Variants in SRGAP1 observed in about 807,000 individuals in gnomAD.
SRGAP1 encodes the protein SLIT-ROBO Rho GTPase-activating protein 1.
In SRGAP1, 43 loss-of-function variants were observed where a neutral mutation model predicts 121.9. The ratio of observed to expected loss-of-function variants is 0.35; its 90% CI spans 0.28 to 0.46. SRGAP1 has a LOEUF of 0.46. SRGAP1 is among the 20% of genes least tolerant of loss of function. The pLI is 1.00. For missense variants in SRGAP1, 1,102 were observed against 1,350.9 expected (o/e 0.82, Z 2.89); for synonymous variants, 447 against 485.4 (o/e 0.92, Z 1.04).
intron 11 of SRGAP1, among the ~76,000 whole-genome samples, chr12:64,088,478 C>T (rs2035987262): frequency 6.6e-6 from 1 of 152,132 alleles, no homozygotes; most frequent in Admixed American, 6.5e-5. Flanking sequence ...ATATTCACAT[C>T]AACCTGACCA....
chr12:64,012,845 C>G (rs2034291684), intron 3 of SRGAP1, among the ~76,000 whole-genome samples: 1 of 152,038 alleles, frequency 6.6e-6, no homozygotes, highest in South Asian at 2.1e-4. Context: ...GCCACTACAC[C>G]CGGCCTGTTT....
intron 1 of SRGAP1, among the ~76,000 whole-genome samples, chr12:63,868,056 AT>A (rs1219689164): frequency 2.6e-3 from 150 of 57,832 alleles, no homozygotes; most frequent in South Asian, 0.012. Context: ...ATATATATAT[AT>A]TTTTTTTTTT....
intron 1 of SRGAP1, among the ~76,000 whole-genome samples, chr12:63,893,013 G>C (rs952183460): frequency 1.3e-5 from 2 of 152,156 alleles, no homozygotes; most frequent in Admixed American, 1.3e-4. Flanking sequence ...TTTAGAAGAA[G>C]AGCAACACAG....
intron 3 of SRGAP1, among the ~76,000 whole-genome samples, chr12:63,995,588 G>T (rs1296592375): frequency 1.3e-5 from 2 of 152,138 alleles, no homozygotes; most frequent in African/African-American, 4.8e-5. Context: ...CTTATGAAAA[G>T]ACTGAAGAAT....
intron 1 of SRGAP1, among the ~76,000 whole-genome samples, chr12:63,956,186 G>T (rs190582482): frequency 6.6e-5 from 10 of 151,992 alleles, no homozygotes; most frequent in Admixed American, 6.6e-4. Flanking sequence ...GTACTTTTCT[G>T]TGAAAAGTAC....
chr12:63,950,227 G>A (rs973517736), intron 1 of SRGAP1, among the ~76,000 whole-genome samples: 15 of 152,124 alleles, frequency 9.9e-5, no homozygotes, highest in African/African-American at 3.6e-4. Flanking sequence ...ACAGCCCCCA[G>A]CCTCCACATA....
At chr12:64,057,063 C>T (rs998654893) in intron 6 of SRGAP1, among the ~76,000 whole-genome samples, 1 of 152,096 alleles carries the variant, frequency 6.6e-6, no homozygotes, top group Non-Finnish European at 1.5e-5. Flanking sequence ...AGTAGCAGCT[C>T]CTCTGAAGGA....
At chr12:64,087,447 A>C (rs2035967735) in intron 11 of SRGAP1, among the ~76,000 whole-genome samples, 1 of 152,208 alleles carries the variant, frequency 6.6e-6, no homozygotes, top group Admixed American at 6.5e-5. Flanking sequence ...TATAAACATT[A>C]GAGCTGGCCG....
rs971279723 is a variant in SRGAP1, at chr12:64,005,811, AT to A, written c.427-11133del. On this transcript the variant is annotated intron_variant, in intron 3 of 21. Coordinates refer to ENST00000355086, the MANE Select transcript of SRGAP1 (RefSeq NM_020762.4). ...TAACTTATACTTCTCTTCCCTTTTT[AT>A]TTTTTCTGAAACCTAACTTTACTGA... Among the ~76,000 whole-genome samples, 8 of 152,022 alleles carry A rather than the reference AT, an allele frequency of 5.3e-5. 1 individual carries two copies. The highest frequency in any genetic ancestry group is 1.9e-4 in the African/African-American group (8 of 41,366).
intron 1 of SRGAP1, among the ~76,000 whole-genome samples, chr12:63,927,927 T>C (rs964655621): frequency 6.6e-6 from 1 of 152,196 alleles, no homozygotes; most frequent in Non-Finnish European, 1.5e-5. Flanking sequence ...GCATTCAATA[T>C]GCTAGAATGC....
chr12:63,971,738 G>A (rs573878338), intron 1 of SRGAP1, among the ~76,000 whole-genome samples: 40 of 152,176 alleles, frequency 2.6e-4, no homozygotes, highest in African/African-American at 9.4e-4. Flanking sequence ...TAAAAGGTGT[G>A]TGTGGGTATA....
intron 1 of SRGAP1, among the ~76,000 whole-genome samples, chr12:63,955,447 T>C (rs1298738366): frequency 3.9e-5 from 6 of 152,242 alleles, no homozygotes; most frequent in Non-Finnish European, 7.3e-5. Flanking sequence ...CACACACTTA[T>C]CATTTTTTTG....
At chr12:64,079,966 G>A (rs901825481) in intron 9 of SRGAP1, among the ~76,000 whole-genome samples, 3 of 152,112 alleles carry the variant, frequency 2.0e-5, no homozygotes, top group African/African-American at 7.2e-5. Flanking sequence ...AATTAGGCTG[G>A]GTGCAGTGGC....
At chr12:64,030,682 C>T (rs751372320) in intron 4 of SRGAP1, among the ~76,000 whole-genome samples, 9 of 152,182 alleles carry the variant, frequency 5.9e-5, no homozygotes, top group Non-Finnish European at 1.2e-4. Context: ...TCAGCCCACA[C>T]AGACCAAATA....
At chr12:63,876,554 T>C (rs1299061228) in intron 1 of SRGAP1, among the ~76,000 whole-genome samples, 2 of 152,218 alleles carry the variant, frequency 1.3e-5, no homozygotes, top group East Asian at 3.8e-4. Flanking sequence ...TACAACCCTC[T>C]GATGGAGAAT....
In SRGAP1 at chr12:64,092,040, A is replaced by G. The variant is rs73321306; in HGVS notation, c.1539+662A>G. On this transcript the variant is annotated intron_variant, in intron 12 of 21. Transcript: ENST00000355086. ...AGGTTTTTAAAAGAAAAATGTTTGC[A>G]TTTGGAAATCAGACAAGTTTATAAA... 2,198 of 870,574 alleles carry G rather than the reference A, an allele frequency of 2.5e-3. 39 individuals carry two copies. In the African/African-American group the frequency reaches 0.033, roughly 13 times the overall value. 53.9% of individuals were successfully genotyped at this position (870,574 alleles called of 1,614,324 possible). A position where few individuals can be genotyped will look rare whatever the true frequency, so the allele number is the denominator to read the frequency against.
At chr12:64,120,433 C>G (rs1398646525) in intron 18 of SRGAP1, 2 of 152,218 alleles carry the variant, frequency 1.3e-5, no homozygotes, top group Middle Eastern at 3.4e-3. Context: ...TGCAAACCTA[C>G]CTGAGAACTG....
rs12368946 is a variant in SRGAP1 at position 64,003,090 on chromosome 12, G to A, written c.426+13018G>A. Among the ~76,000 whole-genome samples the A allele has an allele frequency of 2.8e-4, 33 of 118,006 alleles. 1 individual carries two copies. The highest frequency in any genetic ancestry group is 1.0e-3 in the African/African-American group (30 of 29,114). 77.4% of individuals were successfully genotyped at this position (118,006 alleles called of 152,430 possible). On this transcript the variant is annotated intron_variant, in intron 3 of 21. Transcript: ENST00000355086. ...AGGGAGGGAGGGAGGAAGGGAGGGTGGGAGGGAGGGAGAAAGGAAGGGTCT... is the reference window on the plus strand; with the variant it reads ...AGGGAGGGAGGGAGGAAGGGAGGGTAGGAGGGAGGGAGAAAGGAAGGGTCT...
At chr12:63,947,743 A>G (rs1266996479) in intron 1 of SRGAP1, among the ~76,000 whole-genome samples, 2 of 152,162 alleles carry the variant, frequency 1.3e-5, no homozygotes, top group African/African-American at 2.4e-5. Context: ...AATCTTTCTC[A>G]AAAGTGTTGG....
Sources: allele counts gnomAD v4.1 joint callset (sites outside exome capture counted in the v4.1 genomes callset), GRCh38; gene constraint gnomAD v4.1.1; transcripts MANE v1.5; gene names NCBI Gene and HGNC (gene_info 2026-07-23, HGNC 2026-07-21).